ARHGAP44: variants seen among roughly 807,000 people sequenced by gnomAD.
ARHGAP44 encodes Rho GTPase activating protein 44.
ARHGAP44 carries 43 observed loss-of-function variants against 106.8 expected under a neutral mutation model. The ratio of observed to expected loss-of-function variants is 0.40; its 90% CI spans 0.32 to 0.52. The LOEUF (loss-of-function observed/expected upper bound fraction) is 0.52. Ranked by LOEUF, ARHGAP44 falls within the 20% of genes least tolerant of loss-of-function variation. The pLI, the probability that ARHGAP44 is intolerant of heterozygous loss-of-function variation, is 0.48. For synonymous variants in ARHGAP44, 439 were observed against 410.3 expected, an observed-to-expected ratio of 1.07 and a Z score of -0.85; for missense variants, 866 against 1,050.5, an observed-to-expected ratio of 0.82 and a Z score of 2.43.
At chr17:12,879,026 T>G (rs994065088) in intron 1 of ARHGAP44, among the ~76,000 whole-genome samples, 1 of 152,182 alleles carries the variant, frequency 6.6e-6, no homozygotes, top group Non-Finnish European at 1.5e-5. Context: ...AGGTGGTGTT[T>G]GGTTACATGA....
In ARHGAP44 at chr17:12,816,052, G is replaced by A. The variant is rs866154114; in HGVS notation, c.53+26161G>A. On this transcript the variant is annotated intron_variant, in intron 1 of 20. Coordinates refer to ENST00000379672, the MANE Select transcript of ARHGAP44 (RefSeq NM_014859.6). ...TGTGAGGCAGTGGGAGTTACTGAACGCAGTTGAAAGGGGAAGTGAGATTAT... is the reference window on the plus strand; with the variant it reads ...TGTGAGGCAGTGGGAGTTACTGAACACAGTTGAAAGGGGAAGTGAGATTAT... Among the ~76,000 whole-genome samples, 42 of 152,180 alleles carry A rather than the reference G, an allele frequency of 2.8e-4. No homozygotes were observed. The Middle Eastern group carries it at 0.014, about 49-fold the overall frequency.
chr17:12,970,624 G>C (rs2039507685), intron 16 of ARHGAP44, among the ~76,000 whole-genome samples: 1 of 152,214 alleles, frequency 6.6e-6, no homozygotes, highest in South Asian at 2.1e-4. Context: ...TTGCCATCTA[G>C]ATTGTCCTTA....
At chr17:12,860,251 G>A (rs781744236) in intron 1 of ARHGAP44, among the ~76,000 whole-genome samples, 8 of 152,144 alleles carry the variant, frequency 5.3e-5, no homozygotes, top group Non-Finnish European at 1.0e-4. Flanking sequence ...GTTTTATATA[G>A]CTATTCTTCC....
At chr17:12,795,736 A>T (rs1422715554) in intron 1 of ARHGAP44, among the ~76,000 whole-genome samples, 4 of 152,094 alleles carry the variant, frequency 2.6e-5, no homozygotes, top group African/African-American at 7.2e-5. Flanking sequence ...ATCTGTGTGG[A>T]TGTAGTTGTA....
intron 4 of ARHGAP44, among the ~76,000 whole-genome samples, chr17:12,915,044 T>A (rs1468720689): frequency 2.6e-5 from 4 of 152,100 alleles, no homozygotes; most frequent in Non-Finnish European, 5.9e-5. Flanking sequence ...TTTTTGTTTG[T>A]TTATGTGTTT....
At chr17:12,798,230 A>C (rs993927496) in intron 1 of ARHGAP44, among the ~76,000 whole-genome samples, 4 of 152,206 alleles carry the variant, frequency 2.6e-5, no homozygotes, top group Non-Finnish European at 4.4e-5. Flanking sequence ...CTTATAGAAC[A>C]ATGTTAAAAT....
At chr17:12,925,476 C>T (rs554802044) in intron 6 of ARHGAP44, among the ~76,000 whole-genome samples, 33 of 152,330 alleles carry the variant, frequency 2.2e-4, no homozygotes, top group African/African-American at 7.9e-4. Flanking sequence ...TGAAGACACT[C>T]TCCTGTCTGC....
chr17:12,956,331 GA>G (rs1386773987), intron 14 of ARHGAP44, among the ~76,000 whole-genome samples: 2 of 152,098 alleles, frequency 1.3e-5, no homozygotes, highest in Non-Finnish European at 2.9e-5. Flanking sequence ...GATTCGGAGG[GA>G]TAGAAGGCTG....
chr17:12,812,960 T>C (rs2034482096), intron 1 of ARHGAP44, among the ~76,000 whole-genome samples: 2 of 152,218 alleles, frequency 1.3e-5, no homozygotes, highest in Non-Finnish European at 2.9e-5. Context: ...CCTTTATTGA[T>C]CCACCCACTC....
At chr17:12,931,421 AT>A (rs2038396125) in intron 7 of ARHGAP44, among the ~76,000 whole-genome samples, 1 of 151,802 alleles carries the variant, frequency 6.6e-6, no homozygotes, top group Non-Finnish European at 1.5e-5. Context: ...TTAATCTACC[AT>A]TTAATTTTCT....
At chr17:12,874,886 A>G (rs1279075094) in intron 1 of ARHGAP44, among the ~76,000 whole-genome samples, 1 of 145,272 alleles carries the variant, frequency 6.9e-6, no homozygotes, top group African/African-American at 2.5e-5. Context: ...AGGGAAAGTT[A>G]GATATGCCTG....
intron 1 of ARHGAP44, among the ~76,000 whole-genome samples, chr17:12,791,967 G>A (rs1005453691): frequency 1.3e-5 from 2 of 152,168 alleles, no homozygotes; most frequent in Non-Finnish European, 2.9e-5. Context: ...AGCTTCCAGC[G>A]ACATCTGATT....
chr17:12,948,830 C>T (rs73978283), intron 10 of ARHGAP44, among the ~76,000 whole-genome samples: 14,401 of 151,666 alleles, frequency 0.095, 1,045 homozygotes, highest in East Asian at 0.39. Context: ...TTATCTTACA[C>T]GTACAAGAAC....
At chr17:12,919,283 C>T (rs80226620) in intron 5 of ARHGAP44, among the ~76,000 whole-genome samples, 12,674 of 152,080 alleles carry the variant, frequency 0.083, 674 homozygotes, top group Middle Eastern at 0.14. Context: ...AGTTAGACCT[C>T]AGTAACACAA....
intron 4 of ARHGAP44, among the ~76,000 whole-genome samples, chr17:12,914,295 A>T (rs1018897044): frequency 6.6e-6 from 1 of 152,250 alleles, no homozygotes; most frequent in African/African-American, 2.4e-5. Context: ...TGGCAAGGGC[A>T]TAGGGCAATG....
chr17:12,983,674 G>T (rs2039887405), intron 19 of ARHGAP44, among the ~76,000 whole-genome samples: 1 of 152,030 alleles, frequency 6.6e-6, no homozygotes, highest in African/African-American at 2.4e-5. Flanking sequence ...CGTGGTGGTG[G>T]GCGCCTGTAA....
At chr17:12,972,664 T>TG (rs201373437) in intron 16 of ARHGAP44, among the ~76,000 whole-genome samples, 1 of 43,956 alleles carries the variant, frequency 2.3e-5, no homozygotes, top group Non-Finnish European at 3.5e-5. Context: ...AATAAATAAA[T>TG]ATTTTTTTTT....
At chr17:12,989,118 A>AAAAAAAAAAAAAAT (rs2040040610) in intron 20 of ARHGAP44, among the ~76,000 whole-genome samples, 1 of 147,906 alleles carries the variant, frequency 6.8e-6, no homozygotes, top group Non-Finnish European at 1.5e-5. Flanking sequence ...AAAAAAAAAA[A>AAAAAAAAAAAAAAT]AAAAAAACTA....
intron 1 of ARHGAP44, among the ~76,000 whole-genome samples, chr17:12,838,872 A>G (rs902321969): frequency 2.0e-4 from 31 of 151,468 alleles, no homozygotes; most frequent in Admixed American, 1.5e-3. Context: ...ATATATATGT[A>G]TATATATATA....
Sources: allele counts gnomAD v4.1 joint callset (sites outside exome capture counted in the v4.1 genomes callset), GRCh38; gene constraint gnomAD v4.1.1; transcripts MANE v1.5; gene names NCBI Gene and HGNC (gene_info 2026-07-23, HGNC 2026-07-21).